COL18A1: variants seen among roughly 807,000 people sequenced by gnomAD.
The protein encoded by COL18A1 is collagen type XVIII alpha 1 chain, also known as collagen alpha-1(XVIII) chain.
COL18A1 carries 133 observed loss-of-function variants against 168.0 expected under a neutral mutation model. The ratio of observed to expected loss-of-function variants is 0.79; its 90% CI spans 0.69 to 0.91. COL18A1 has a LOEUF of 0.91. Among genes scored for constraint, COL18A1 ranks in the 40% least tolerant of loss-of-function variants. The probability of loss-of-function intolerance (pLI) is 0.00; values close to 1 mark genes in which losing one functional copy is unlikely to be tolerated. For missense variants in COL18A1, 2,126 were observed against 1,925.4 expected, an observed-to-expected ratio of 1.10 and a Z score of -1.95; for synonymous variants, 949 against 809.0, an observed-to-expected ratio of 1.17 and a Z score of -2.94.
chr21:45,490,903 G>T (rs908114682), intron 21 of COL18A1, 32 bp downstream of exon 21: 3 of 1,542,974 alleles, frequency 1.9e-6, no homozygotes, highest in Non-Finnish European at 2.6e-6. Flanking sequence ...GGATGGGGAT[G>T]GGGGGCGCTG....
At chr21:45,499,654 A>G (rs140695996) in intron 32 of COL18A1, among the ~76,000 whole-genome samples, 1 of 152,336 alleles carries the variant, frequency 6.6e-6, no homozygotes, top group African/African-American at 2.4e-5. Context: ...ATGGTGTCCC[A>G]TCGTCAGTGC....
At chr21:45,476,911 A>G (rs1459390851) in intron 6 of COL18A1, among the ~76,000 whole-genome samples, 2 of 130,194 alleles carry the variant, frequency 1.5e-5, no homozygotes, top group African/African-American at 3.3e-5. Context: ...TGTGATGTGT[A>G]TTATGTGTTT....
At chr21:45,458,657 G>T (rs1568884158) in intron 2 of COL18A1, among the ~76,000 whole-genome samples, 2 of 152,176 alleles carry the variant, frequency 1.3e-5, no homozygotes, top group South Asian at 4.1e-4. Flanking sequence ...GAGGGACCCG[G>T]GTCCGGTGTC....
intron 2 of COL18A1, among the ~76,000 whole-genome samples, chr21:45,450,800 C>G (rs1352429002): frequency 3.3e-5 from 5 of 152,192 alleles, no homozygotes; most frequent in South Asian, 2.1e-4. Flanking sequence ...CTCAGGCCTC[C>G]CTCCCGGTGT....
In COL18A1 at chr21:45,423,489, C is replaced by T. The variant is rs547759387; in HGVS notation, c.106+18016C>T. Among the ~76,000 whole-genome samples, 535 of 144,384 alleles carry T rather than the reference C, an allele frequency of 3.7e-3. No individual in the cohort carries two copies. The highest frequency in any genetic ancestry group is 0.013 in the African/African-American group (505 of 37,452). The allele number at this position is 144,384 out of a possible 152,430, so 94.7% of individuals were successfully genotyped here. A position where few individuals can be genotyped will look rare whatever the true frequency, so the allele number is the denominator to read the frequency against. ...TGTCCACACACAGCTGGGCGCCCGCCCCCCGCCCCCCGCCCCCCGGAGGGC... is the reference window on the plus strand; with the variant it reads ...TGTCCACACACAGCTGGGCGCCCGCTCCCCGCCCCCCGCCCCCCGGAGGGC... On this transcript the variant is annotated intron_variant, in intron 2 of 41. Transcript: ENST00000651438. The surrounding 1 kb of genome is among the most constrained non-coding windows in gnomAD (Gnocchi z 4.0).
intron 2 of COL18A1, among the ~76,000 whole-genome samples, chr21:45,462,656 T>C (rs776690757): frequency 2.0e-5 from 3 of 152,242 alleles, no homozygotes; most frequent in Non-Finnish European, 4.4e-5. Context: ...CTTTCTTGAC[T>C]TTCTCCACAC....
At chr21:45,440,842 A>G (rs11089005) in intron 2 of COL18A1, among the ~76,000 whole-genome samples, 66,553 of 152,142 alleles carry the variant, frequency 0.44, 16,126 homozygotes, top group African/African-American at 0.66. Context: ...GCCCCTGGCC[A>G]TGGGCCCAGG....
At chr21:45,472,286 C>T (rs900159290) in intron 3 of COL18A1, among the ~76,000 whole-genome samples, 4 of 151,664 alleles carry the variant, frequency 2.6e-5, no homozygotes, top group African/African-American at 7.3e-5. Flanking sequence ...TGCAGTGGCA[C>T]GATTGCGGCT....
chr21:45,501,288 C>T (rs2036807792), intron 32 of COL18A1, among the ~76,000 whole-genome samples: 1 of 151,974 alleles, frequency 6.6e-6, no homozygotes, highest in Middle Eastern at 3.2e-3. Context: ...AAAAGAAAAA[C>T]ACAAATCAAT....
rs1389007019 is a variant in COL18A1, at chr21:45,463,663, C to T, written c.107-4579C>T. Among the ~76,000 whole-genome samples, 4 of 152,124 alleles carry T rather than the reference C, an allele frequency of 2.6e-5. No individual in the cohort carries two copies. The highest frequency in any genetic ancestry group is 9.7e-5 in the African/African-American group (4 of 41,420). ...CTGTAATCCCAGCACTTTGGGATGC[C>T]GAGGCATGCGGATCGCCTGAGGTCG... is the stretch of plus-strand genomic sequence containing the variant. On this transcript the variant is annotated intron_variant, in intron 2 of 41. Transcript: ENST00000651438. This position sits in a 1 kb window ranked among gnomAD's most constrained non-coding sequence, Gnocchi z 4.0.
chr21:45,506,096 T>G (rs1436945526), intron 37 of COL18A1, 130 bp downstream of exon 37: 2 of 1,424,252 alleles, frequency 1.4e-6, no homozygotes, highest in East Asian at 4.6e-5. Context: ...TTCTTAAACT[T>G]TCAAACTTTT....
chr21:45,506,382 C>G lies in COL18A1; in HGVS notation c.3216+416C>G, dbSNP rs2037206045. On this transcript the variant is annotated intron_variant, in intron 37 of 41. Transcript: ENST00000651438. ...GCAGGCTGTCCCGTGGCTCTGCACCCCGCGTTATAAACACCAAGGTGGGAT... is the reference window on the plus strand; with the variant it reads ...GCAGGCTGTCCCGTGGCTCTGCACCGCGCGTTATAAACACCAAGGTGGGAT... 4 of 342,912 alleles carry G rather than the reference C, an allele frequency of 1.2e-5. 1 individual carries two copies. Among genetic ancestry groups the G allele is most frequent in the South Asian group, 9.3e-5 (4 of 43,228 alleles). The allele number at this position is 342,912 out of a possible 1,614,324, so 21.2% of individuals were successfully genotyped here. A position where few individuals can be genotyped will look rare whatever the true frequency, so the allele number is the denominator to read the frequency against.
At chr21:45,431,446 G>A (rs2033958142) in intron 2 of COL18A1, among the ~76,000 whole-genome samples, 2 of 120,220 alleles carry the variant, frequency 1.7e-5, no homozygotes, top group Non-Finnish European at 3.4e-5. Flanking sequence ...AGGACCCGGC[G>A]GCCCAGGGGA....
At chr21:45,480,548 C>T (rs776869965) in intron 12 of COL18A1, 28 bp downstream of exon 12, 1 of 1,614,016 alleles carries the variant, frequency 6.2e-7, no homozygotes. Flanking sequence ...TGCAGCGCTG[C>T]CCGATGTCTG....
chr21:45,408,741 TG>T (rs943182608), intron 2 of COL18A1, among the ~76,000 whole-genome samples: 2 of 151,756 alleles, frequency 1.3e-5, no homozygotes, highest in African/African-American at 4.8e-5. Context: ...CTCACTGTGT[TG>T]GGGGAGGGGT....
At chr21:45,479,084 A>T (rs1602492869) in intron 9 of COL18A1, among the ~76,000 whole-genome samples, 2 of 142,792 alleles carry the variant, frequency 1.4e-5, no homozygotes, top group African/African-American at 5.3e-5. Context: ...CACGCGTGTG[A>T]GTGTGGGGTG....
intron 14 of COL18A1, 171 bp downstream of exon 14, chr21:45,482,196 G>A (rs1336045215): frequency 1.6e-6 from 1 of 629,086 alleles, no homozygotes; most frequent in African/African-American, 1.8e-5. Flanking sequence ...CTGGGCGGCT[G>A]GGGCTTGGGT....
chr21:45,474,947 G>A (rs928681822), intron 4 of COL18A1, among the ~76,000 whole-genome samples: 16 of 152,220 alleles, frequency 1.1e-4, no homozygotes, highest in Admixed American at 9.8e-4. Context: ...TGCGCCCTGG[G>A]ACAGCTTGCT....
At chr21:45,428,189 G>A (rs755803645) in intron 2 of COL18A1, among the ~76,000 whole-genome samples, 1 of 152,172 alleles carries the variant, frequency 6.6e-6, no homozygotes, top group African/African-American at 2.4e-5. Context: ...TGGGCCTGGG[G>A]GCTCTCAGAG....
Sources: allele counts gnomAD v4.1 joint callset (sites outside exome capture counted in the v4.1 genomes callset), GRCh38; gene constraint gnomAD v4.1.1; non-coding constraint Gnocchi (gnomAD v3.1); transcripts MANE v1.5; gene names NCBI Gene and HGNC (gene_info 2026-07-23, HGNC 2026-07-21).